FAM107B: variants seen among roughly 807,000 people sequenced by gnomAD.
FAM107B encodes protein FAM107B.
A neutral mutation model predicts 31.5 loss-of-function variants in FAM107B; 21 were observed. The ratio of observed to expected loss-of-function variants is 0.67; its 90% CI spans 0.47 to 0.96. The LOEUF is 0.96. Ranked by LOEUF, FAM107B falls within the 40% of genes least tolerant of loss-of-function variation. The pLI is 0.00. For missense variants in FAM107B, 452 were observed against 377.1 expected (o/e 1.20, Z -1.64); for synonymous variants, 157 against 141.5 (o/e 1.11, Z -0.78).
At chr10:14,727,375 C>T (rs1244075417) in intron 1 of FAM107B, among the ~76,000 whole-genome samples, 2 of 152,180 alleles carry the variant, frequency 1.3e-5, no homozygotes, top group Non-Finnish European at 2.9e-5. Context: ...ATCACACTGC[C>T]TGAGCCACGT....
At chr10:14,644,975 G>A (rs1307792065) in intron 2 of FAM107B, among the ~76,000 whole-genome samples, 1 of 152,150 alleles carries the variant, frequency 6.6e-6, no homozygotes, top group East Asian at 1.9e-4. Flanking sequence ...TGCATGAATG[G>A]GCATAGGAGT....
chr10:14,719,565 T>C (rs1855863351), intron 1 of FAM107B, among the ~76,000 whole-genome samples: 1 of 152,182 alleles, frequency 6.6e-6, no homozygotes, highest in African/African-American at 2.4e-5. Context: ...CTCATCCTGT[T>C]CCTCCCATAG....
At chr10:14,571,987 G>A (rs1339039040) in intron 2 of FAM107B, 3 of 985,396 alleles carry the variant, frequency 3.0e-6, no homozygotes, top group African/African-American at 3.5e-5. Flanking sequence ...CAGTAAGAAT[G>A]CACCTTCTGA....
At chr10:14,581,142 A>G (rs1851621542) in intron 2 of FAM107B, among the ~76,000 whole-genome samples, 3 of 152,242 alleles carry the variant, frequency 2.0e-5, no homozygotes, top group South Asian at 4.1e-4. Flanking sequence ...CATATCTGCA[A>G]TCGGTCTGGT....
intron 1 of FAM107B, among the ~76,000 whole-genome samples, chr10:14,756,707 C>T (rs1320918334): frequency 1.3e-5 from 2 of 152,162 alleles, no homozygotes; most frequent in African/African-American, 4.8e-5. Context: ...TAAAGGCATG[C>T]ATGCGTATGT....
chr10:14,751,626 C>G (rs562404407), intron 1 of FAM107B, among the ~76,000 whole-genome samples: 2 of 152,140 alleles, frequency 1.3e-5, no homozygotes, highest in Non-Finnish European at 2.9e-5. Context: ...CTCAGCTTCC[C>G]AAAGTGATGG....
intron 1 of FAM107B, among the ~76,000 whole-genome samples, chr10:14,719,210 A>G (rs554330540): frequency 2.0e-5 from 3 of 152,096 alleles, no homozygotes; most frequent in African/African-American, 7.2e-5. Context: ...CCCAAATAAC[A>G]CACACTCAGG....
chr10:14,696,340 C>T (rs1855264397), intron 1 of FAM107B, among the ~76,000 whole-genome samples: 1 of 152,142 alleles, frequency 6.6e-6, no homozygotes, highest in Admixed American at 6.6e-5. Flanking sequence ...GAATAAATCC[C>T]ACTTGGTCAT....
chr10:14,620,854 T>C (rs939065912), intron 2 of FAM107B, among the ~76,000 whole-genome samples: 1 of 152,258 alleles, frequency 6.6e-6, no homozygotes, highest in African/African-American at 2.4e-5. Context: ...TTAGGTCTTG[T>C]TCGATTTCCT....
intron 2 of FAM107B, among the ~76,000 whole-genome samples, chr10:14,650,202 C>T (rs1254134054): frequency 6.7e-6 from 1 of 149,956 alleles, no homozygotes; most frequent in African/African-American, 2.4e-5. Flanking sequence ...CAGTCTTATT[C>T]GCATACAGTT....
chr10:14,584,030 A>G (rs1461995389), intron 2 of FAM107B, among the ~76,000 whole-genome samples: 1 of 152,224 alleles, frequency 6.6e-6, no homozygotes, highest in Non-Finnish European at 1.5e-5. Context: ...ACTGCCTTTC[A>G]GTAGGAGTTC....
chr10:14,670,027 T>A lies in FAM107B; in HGVS notation c.412-2336A>T, dbSNP rs543288983. On this transcript the variant is annotated intron_variant, in intron 1 of 4. Transcript: ENST00000181796. ...ACACATTCTATGCATGTAAAAAAAA[T>A]CACAAGTACCCCATGAATATGTAAA... Among the ~76,000 whole-genome samples, 4 of 152,214 alleles carry A rather than the reference T, an allele frequency of 2.6e-5. No homozygotes were observed. In the South Asian group the frequency reaches 8.3e-4, roughly 32 times the overall value.
At chr10:14,678,828 A>G (rs1854754916) in intron 1 of FAM107B, among the ~76,000 whole-genome samples, 1 of 152,230 alleles carries the variant, frequency 6.6e-6, no homozygotes, top group African/African-American at 2.4e-5. Flanking sequence ...TCCCTGGTGA[A>G]TACAGGCGTC....
At chr10:14,655,954 G>A (rs571428118) in intron 2 of FAM107B, among the ~76,000 whole-genome samples, 16 of 152,308 alleles carry the variant, frequency 1.1e-4, no homozygotes, top group Admixed American at 2.6e-4. Flanking sequence ...GCAGGTGCCA[G>A]AAGTGGGGTC....
intron 2 of FAM107B, among the ~76,000 whole-genome samples, chr10:14,650,507 A>G (rs1430123556): frequency 2.0e-5 from 3 of 152,244 alleles, no homozygotes; most frequent in Non-Finnish European, 2.9e-5. Context: ...GCTGGTCTCG[A>G]ACTCCCGACC....
intron 3 of FAM107B, among the ~76,000 whole-genome samples, chr10:14,524,998 G>T (rs1277010367): frequency 6.6e-6 from 1 of 152,138 alleles, no homozygotes; most frequent in East Asian, 1.9e-4. Context: ...TCAGGAAAAT[G>T]GTGCTTATAT....
chr10:14,678,050 C>CT (rs1854732287), intron 1 of FAM107B, among the ~76,000 whole-genome samples: 1 of 152,170 alleles, frequency 6.6e-6, no homozygotes, highest in South Asian at 2.1e-4. Context: ...TCAGAGAAAT[C>CT]ATGGAACTTG....
At chr10:14,660,208 C>G (rs1854196107) in intron 2 of FAM107B, among the ~76,000 whole-genome samples, 1 of 152,106 alleles carries the variant, frequency 6.6e-6, no homozygotes. Context: ...TGAGTGCAAC[C>G]TAAAAGAGAA....
intron 2 of FAM107B, among the ~76,000 whole-genome samples, chr10:14,537,497 A>G (rs1847741596): frequency 6.6e-6 from 1 of 152,158 alleles, no homozygotes; most frequent in Non-Finnish European, 1.5e-5. Flanking sequence ...ACAAGGCAAC[A>G]ATGAAAAAGG....
Sources: gnomAD v4.1 joint callset for allele counts (sites outside exome capture counted in the v4.1 genomes callset) on GRCh38, gnomAD v4.1.1 for gene constraint, MANE v1.5 for transcripts, NCBI Gene and HGNC (gene_info 2026-07-23, HGNC 2026-07-21) for gene names.